Variants in YPEL1 observed in about 807,000 individuals in gnomAD.
The protein encoded by YPEL1 is protein yippee-like 1.
YPEL1 carries 7 observed loss-of-function variants against 17.3 expected under a neutral mutation model. The observed-to-expected ratio is 0.40, with a 90% CI of 0.23 to 0.76. The LOEUF (loss-of-function observed/expected upper bound fraction) is 0.76. Ranked by LOEUF, YPEL1 falls within the 30% of genes least tolerant of loss-of-function variation. The pLI is 0.35. For synonymous variants in YPEL1, 59 were observed against 59.6 expected, an observed-to-expected ratio of 0.99 and a Z score of 0.05; for missense variants, 91 against 155.5, an observed-to-expected ratio of 0.59 and a Z score of 2.21.
chr22:21,728,335 G>T (rs77528781), intron 1 of YPEL1, among the ~76,000 whole-genome samples: 3,253 of 152,226 alleles, frequency 0.021, 69 homozygotes, highest in Middle Eastern at 0.11. Flanking sequence ...TTAGAAAGAT[G>T]AAAAGGCCAC....
chr22:21,730,066 T>A (rs1007429851), intron 1 of YPEL1, among the ~76,000 whole-genome samples: 2 of 151,668 alleles, frequency 1.3e-5, no homozygotes, highest in African/African-American at 4.8e-5. Flanking sequence ...GCGGGAGAAC[T>A]GCTTGAACCC....
Position 21,701,223 on chromosome 22 carries a change from A to G in YPEL1, c.271-5T>C. On this transcript the variant is annotated splice_polypyrimidine_tract_variant and splice_region_variant and intron_variant, in intron 4 of 4. Transcript: ENST00000339468. ...ACTGCTCTCAAAGGCATGCTCCTTG[A>G]AAAAGAAGAGACAAAGGTTTCAGGA... 6.2e-7 allele frequency: 1 copy of G among 1,611,466 alleles called. No individual in the cohort carries two copies. Among genetic ancestry groups the G allele is most frequent in the Non-Finnish European group, 8.5e-7 (1 of 1,177,918 alleles).
At chr22:21,710,589 A>C in intron 2 of YPEL1, 39 bp downstream of exon 2, 1 of 1,472,174 alleles carries the variant, frequency 6.8e-7, no homozygotes. Context: ...AATGACAGAT[A>C]ATCATTGTGC....
chr22:21,721,793 T>C (rs1426230417), intron 1 of YPEL1, among the ~76,000 whole-genome samples: 1 of 151,960 alleles, frequency 6.6e-6, no homozygotes, highest in Non-Finnish European at 1.5e-5. Context: ...TTGTAGACTC[T>C]CGGTACAATG....
At chr22:21,712,908 ACAACT>A (rs1254670912) in intron 1 of YPEL1, among the ~76,000 whole-genome samples, 1 of 152,126 alleles carries the variant, frequency 6.6e-6, no homozygotes, top group Non-Finnish European at 1.5e-5. Context: ...AGAAACTCCT[ACAACT>A]CAACAAAACA....
chr22:21,733,289 T>C (rs944939314), intron 1 of YPEL1, among the ~76,000 whole-genome samples: 1 of 151,448 alleles, frequency 6.6e-6, no homozygotes, highest in Non-Finnish European at 1.5e-5. Context: ...TGGTGGCACA[T>C]GCCTGTAATC....
rs189285295 is a variant in YPEL1, at chr22:21,703,194, G to A, written c.270+176C>T. ...GGTATCACTGTCACCCAGGCTGGAGGGCAGTGGTGAGACCATGCCTCACTG... is the reference window on the plus strand; with the variant it reads ...GGTATCACTGTCACCCAGGCTGGAGAGCAGTGGTGAGACCATGCCTCACTG... On this transcript the variant is annotated intron_variant, in intron 4 of 4. Transcript: ENST00000339468. This position sits in a 1 kb window ranked among gnomAD's most constrained non-coding sequence, Gnocchi z 6.1. Among the ~76,000 whole-genome samples, 152 of 152,236 alleles carry A rather than the reference G, an allele frequency of 1.0e-3. No individual in the cohort carries two copies. Among genetic ancestry groups the A allele is most frequent in the African/African-American group, 3.4e-3 (142 of 41,546 alleles).
intron 1 of YPEL1, among the ~76,000 whole-genome samples, chr22:21,724,001 C>T (rs1221136107): frequency 6.6e-6 from 1 of 152,052 alleles, no homozygotes; most frequent in Non-Finnish European, 1.5e-5. Context: ...GTTGGGTATA[C>T]ACATGTCCAT....
intron 1 of YPEL1, among the ~76,000 whole-genome samples, chr22:21,721,893 C>T (rs2068287422): frequency 6.6e-6 from 1 of 152,118 alleles, no homozygotes; most frequent in Non-Finnish European, 1.5e-5. Context: ...TCCACCAAGC[C>T]CCTGGCAGCT....
At chr22:21,735,483 C>T (rs570580113) in intron 1 of YPEL1, 132 bp downstream of exon 1, 43 of 152,334 alleles carry the variant, frequency 2.8e-4, no homozygotes, top group Non-Finnish European at 4.7e-4. Flanking sequence ...AAGTCACAGG[C>T]CCGCCCTGCT....
intron 1 of YPEL1, among the ~76,000 whole-genome samples, chr22:21,732,673 T>C (rs1348512397): frequency 6.6e-6 from 1 of 151,166 alleles, no homozygotes; most frequent in African/African-American, 2.4e-5. Context: ...TCCCAGCTAC[T>C]CAGGAGGCTG....
At chr22:21,719,766 G>A (rs1211648218) in intron 1 of YPEL1, among the ~76,000 whole-genome samples, 1 of 151,910 alleles carries the variant, frequency 6.6e-6, no homozygotes, top group East Asian at 1.9e-4. Context: ...GGTGGCTCAC[G>A]CCTGGAATCC....
intron 4 of YPEL1, among the ~76,000 whole-genome samples, chr22:21,702,299 C>A (rs2068073917): frequency 6.6e-6 from 1 of 152,074 alleles, no homozygotes; most frequent in Non-Finnish European, 1.5e-5. Context: ...GAAGTGGGGC[C>A]CACAGATGGG....
chr22:21,720,626 G>T (rs1364043370), intron 1 of YPEL1, among the ~76,000 whole-genome samples: 5 of 152,008 alleles, frequency 3.3e-5, no homozygotes, highest in Non-Finnish European at 4.4e-5. Context: ...GAGTAGCTGG[G>T]CCTACAGGCA....
chr22:21,725,536 A>G (rs1440706825), intron 1 of YPEL1, among the ~76,000 whole-genome samples: 1 of 152,036 alleles, frequency 6.6e-6, no homozygotes, highest in Non-Finnish European at 1.5e-5. Flanking sequence ...GCCTAAAATG[A>G]TAAAATTTTA....
intron 2 of YPEL1, chr22:21,710,351 G>A (rs1023836322): frequency 6.0e-6 from 3 of 498,204 alleles, no homozygotes; most frequent in Non-Finnish European, 3.6e-6. Flanking sequence ...TTTCTGCTGT[G>A]AGTAACAAGT....
rs561227160 is a variant in YPEL1, at chr22:21,728,527, T to C, written c.-165+7088A>G. The stretch of plus-strand genomic sequence containing the variant: ...GTCCTTATTAGCCCCACGATGCACA[T>C]GGGGAAACCGAAGTCCAAAAAGGTT... On this transcript the variant is annotated intron_variant, in intron 1 of 4. Transcript: ENST00000339468. 3.5e-4 allele frequency among the ~76,000 whole-genome samples: 54 copies of C among 152,188 alleles called. No individual in the cohort carries two copies. In the East Asian group the frequency reaches 6.8e-3, roughly 19 times the overall value.
rs747549650 is a variant in YPEL1, at chr22:21,703,511, C to G, written c.162-33G>C. The G allele has an allele frequency of 2.2e-5, 34 of 1,575,252 alleles. No homozygotes were observed. Among genetic ancestry groups the G allele is most frequent in the Non-Finnish European group, 2.8e-5 (32 of 1,156,882 alleles). On this transcript the variant is annotated intron_variant, in intron 3 of 4. Coordinates refer to ENST00000339468, the MANE Select transcript of YPEL1 (RefSeq NM_013313.5). This position sits in a 1 kb window ranked among gnomAD's most constrained non-coding sequence, Gnocchi z 6.1. The stretch of plus-strand genomic sequence containing the variant: ...GACAGAGGGGCCACTGCGCTGCAGG[C>G]CCGGCCCGCCCCTGACCAGGCCCTG...
intron 2 of YPEL1, among the ~76,000 whole-genome samples, chr22:21,706,279 A>T (rs2068114879): frequency 6.6e-6 from 1 of 150,904 alleles, no homozygotes; most frequent in Non-Finnish European, 1.5e-5. Flanking sequence ...AAATACAAAA[A>T]TTAGCTGGGC....
Sources: allele counts gnomAD v4.1 joint callset (sites outside exome capture counted in the v4.1 genomes callset), GRCh38; gene constraint gnomAD v4.1.1; non-coding constraint Gnocchi (gnomAD v3.1); transcripts MANE v1.5; gene names NCBI Gene and HGNC (gene_info 2026-07-23, HGNC 2026-07-21).